The following FAM81A variants were observed in gnomAD, a reference collection of about 807,000 sequenced individuals.
FAM81A encodes family with sequence similarity 81 member A, also known as protein FAM81A.
FAM81A carries 19 observed loss-of-function variants against 46.7 expected under a neutral mutation model. That is an observed-to-expected ratio of 0.41 (90% CI 0.28 to 0.60). FAM81A has a LOEUF of 0.60. Among genes scored for constraint, FAM81A ranks in the 20% least tolerant of loss-of-function variants. The pLI is 0.34. For synonymous variants in FAM81A, 183 were observed against 152.9 expected (o/e 1.20, Z -1.45); for missense variants, 377 against 453.5 (o/e 0.83, Z 1.53).
At chr15:59,405,111 G>T (rs2081088500) in intron 2 of FAM81A, among the ~76,000 whole-genome samples, 1 of 152,176 alleles carries the variant, frequency 6.6e-6, no homozygotes, top group Non-Finnish European at 1.5e-5. Flanking sequence ...CCTCAGAGAG[G>T]TCTTCCCTGA....
At chr15:59,489,524 A>G (rs1355565371) in intron 3 of FAM81A, among the ~76,000 whole-genome samples, 1 of 152,104 alleles carries the variant, frequency 6.6e-6, no homozygotes, top group East Asian at 1.9e-4. Context: ...TCAAAATACC[A>G]ATGACATTCT....
At chr15:59,452,343 AGGCATTAAAGATGGTG>A (rs1471469705) in intron 1 of FAM81A, among the ~76,000 whole-genome samples, 1 of 152,250 alleles carries the variant, frequency 6.6e-6, no homozygotes, top group Non-Finnish European at 1.5e-5. Context: ...ACTATCACAC[AGGCATTAAAGATGGTG>A]ATGTAGGCTG....
At chr15:59,502,816 A>G (rs8033873) in intron 4 of FAM81A, among the ~76,000 whole-genome samples, 109,883 of 151,816 alleles carry the variant, frequency 0.72, 40,040 homozygotes, top group African/African-American at 0.77. Context: ...CCACCGCGCC[A>G]GCCGTGTTTT....
intron 2 of FAM81A, among the ~76,000 whole-genome samples, chr15:59,427,363 AG>A (rs55782323): frequency 0.17 from 25,586 of 151,998 alleles, 2,284 homozygotes; most frequent in Middle Eastern, 0.23. Flanking sequence ...TGCTTGTCTC[AG>A]CCTCCCAAAG....
At chr15:59,509,965 T>C (rs2082187847) in intron 6 of FAM81A, among the ~76,000 whole-genome samples, 1 of 151,984 alleles carries the variant, frequency 6.6e-6, no homozygotes, top group Non-Finnish European at 1.5e-5. Flanking sequence ...CTATGCCTAA[T>C]GAGAATCTTA....
chr15:59,440,269 G>A (rs1311779401), intron 1 of FAM81A: 1 of 152,042 alleles, frequency 6.6e-6, no homozygotes, highest in East Asian at 1.9e-4. Context: ...AGAATCATTG[G>A]GGGCTGGGGC....
chr15:59,452,558 G>A (rs1431820442), intron 1 of FAM81A, among the ~76,000 whole-genome samples: 7 of 152,188 alleles, frequency 4.6e-5, no homozygotes, highest in African/African-American at 1.4e-4. Context: ...GAGGCAGGAG[G>A]ATTGCTTGAG....
Position 59,492,300 on chromosome 15 carries a change from C to T in FAM81A, c.324C>T (p.Asp108=). ...EVLQEQIRAR[D]NISYGTNSAL... ...TCCAGGAGCAGATTCGTGCCCGGGA[C>T]AACATTAGCTATGGAACTAATTCTG... Residue 108 remains aspartate, a synonymous_variant, in exon 4 of 9, where the codon GAC becomes GAT. Transcript: ENST00000288228. The T allele has an allele frequency of 6.2e-7, 1 of 1,613,604 alleles. No homozygotes were observed. Among genetic ancestry groups the T allele is most frequent in the Non-Finnish European group, 8.5e-7 (1 of 1,179,748 alleles).
chr15:59,516,551 T>G, intron 7 of FAM81A, 94 bp from the exon 8 acceptor site: 4 of 1,260,772 alleles, frequency 3.2e-6, no homozygotes, highest in Non-Finnish European at 3.3e-6. Flanking sequence ...ATCTGTTTCT[T>G]GCAGATTGTT....
chr15:59,399,197 A>T (rs2081060102), intron 1 of FAM81A, among the ~76,000 whole-genome samples: 1 of 152,094 alleles, frequency 6.6e-6, no homozygotes, highest in Non-Finnish European at 1.5e-5. Flanking sequence ...AAAAAGAAGA[A>T]CAAAAAGAAT....
At chr15:59,510,185 G>A (rs777600057) in intron 6 of FAM81A, among the ~76,000 whole-genome samples, 38 of 152,050 alleles carry the variant, frequency 2.5e-4, no homozygotes, top group Non-Finnish European at 3.5e-4. Flanking sequence ...GGCTAACATG[G>A]TGAAACCCTG....
intron 4 of FAM81A, among the ~76,000 whole-genome samples, chr15:59,501,028 T>C (rs1421975310): frequency 1.3e-5 from 2 of 152,224 alleles, no homozygotes; most frequent in Admixed American, 1.3e-4. Flanking sequence ...TTGGTTTACC[T>C]GTTTTTTTCC....
At chr15:59,405,834 T>A (rs1394326566) in intron 2 of FAM81A, among the ~76,000 whole-genome samples, 1 of 152,116 alleles carries the variant, frequency 6.6e-6, no homozygotes, top group Non-Finnish European at 1.5e-5. Flanking sequence ...AGCCTTGACT[T>A]TTCTGGGCTT....
intron 4 of FAM81A, among the ~76,000 whole-genome samples, chr15:59,505,051 C>G (rs2082134398): frequency 6.6e-6 from 1 of 152,128 alleles, no homozygotes; most frequent in Admixed American, 6.6e-5. Context: ...ATCTCTATTT[C>G]CTTCTGTTGG....
chr15:59,507,682 G>A (rs557324386), intron 5 of FAM81A, among the ~76,000 whole-genome samples: 18 of 152,226 alleles, frequency 1.2e-4, no homozygotes, highest in African/African-American at 3.1e-4. Context: ...CATGCCACTC[G>A]TCCCAATTTT....
In FAM81A at chr15:59,516,825, G is replaced by A. The variant is rs939799578; in HGVS notation, c.967G>A (p.Ala323Thr). 6.2e-7 allele frequency: 1 copy of A among 1,602,332 alleles called. No homozygotes were observed. The change falls in exon 8 of 9, where the codon GCA (alanine) becomes ACA (threonine). Residue 323 changes from alanine (A) to threonine (T), a missense_variant. By Grantham distance (58) the Ala-to-Thr change is moderately conservative (BLOSUM62 0). Transcript: ENST00000288228. ...GAACCAGAACATCAAGGAAATGAAAGCAGAAGTTAATGCTGGTAGGCCAAA... is the reference window on the plus strand; with the variant it reads ...GAACCAGAACATCAAGGAAATGAAAACAGAAGTTAATGCTGGTAGGCCAAA... ...QMNQNIKEMK[A>T]EVNAGFTAVY...
intron 2 of FAM81A, among the ~76,000 whole-genome samples, chr15:59,410,961 G>T (rs1357549745): frequency 2.0e-5 from 3 of 152,102 alleles, no homozygotes; most frequent in African/African-American, 7.2e-5. Context: ...TGTTGGTCAG[G>T]CTGGTCTCGA....
At chr15:59,456,171 G>A (rs377090599) in intron 1 of FAM81A, among the ~76,000 whole-genome samples, 2 of 152,284 alleles carry the variant, frequency 1.3e-5, no homozygotes, top group African/African-American at 2.4e-5. Flanking sequence ...TTTAAAGAGT[G>A]CATGAATTTT....
rs149128436 is a variant in FAM81A at position 59,492,845 on chromosome 15, T to C, written c.413+456T>C. ...AAAGTGCTATTTTCTCAAAGTGTGC[T>C]GCATGGACCAGCAGCCTCAACAGCA... On this transcript the variant is annotated intron_variant, in intron 4 of 8. Coordinates refer to ENST00000288228, the MANE Select transcript of FAM81A (RefSeq NM_152450.3). Among the ~76,000 whole-genome samples, 627 of 152,310 alleles carry C rather than the reference T, an allele frequency of 4.1e-3. 6 individuals are homozygous for C. Among genetic ancestry groups the C allele is most frequent in the African/African-American group, 0.015 (604 of 41,574 alleles).
Sources: gnomAD v4.1 joint callset for allele counts (sites outside exome capture counted in the v4.1 genomes callset) on GRCh38, gnomAD v4.1.1 for gene constraint, MANE v1.5 for transcripts, NCBI Gene and HGNC (gene_info 2026-07-23, HGNC 2026-07-21) for gene names.